RARB: variants seen among roughly 807,000 people sequenced by gnomAD.
RARB encodes the protein HBV-activated protein.
RARB carries 17 observed loss-of-function variants against 51.9 expected under a neutral mutation model. That is an observed-to-expected ratio of 0.33 (90% confidence interval 0.22 to 0.49). RARB has a LOEUF of 0.49. Among genes scored for constraint, RARB ranks in the 20% least tolerant of loss-of-function variants. RARB has a pLI of 0.99. For synonymous variants in RARB, 215 were observed against 195.4 expected, an observed-to-expected ratio of 1.10 and a Z score of -0.84; for missense variants, 369 against 550.8, an observed-to-expected ratio of 0.67 and a Z score of 3.30.
At chr3:24,874,752 G>A (rs925838573) in intron 2 of RARB, among the ~76,000 whole-genome samples, 4 of 151,388 alleles carry the variant, frequency 2.6e-5, no homozygotes, top group African/African-American at 9.7e-5. Context: ...TTTACTTAAT[G>A]TAGTTCATTT....
intron 5 of RARB, among the ~76,000 whole-genome samples, chr3:25,253,695 A>G (rs1702787191): frequency 6.6e-6 from 1 of 152,214 alleles, no homozygotes; most frequent in Non-Finnish European, 1.5e-5. Context: ...AATAGTCAAA[A>G]GCTATAGCTC....
At chr3:25,412,475 T>A (rs957381259) in intron 5 of RARB, among the ~76,000 whole-genome samples, 1 of 152,226 alleles carries the variant, frequency 6.6e-6, no homozygotes, top group Non-Finnish European at 1.5e-5. Flanking sequence ...CCTGCTCATG[T>A]TGAGAGCTCC....
chr3:25,501,024 T>A (rs1418398553), intron 2 of RARB, among the ~76,000 whole-genome samples, 158 bp from the exon 3 acceptor site: 3 of 152,204 alleles, frequency 2.0e-5, no homozygotes, highest in Non-Finnish European at 4.4e-5. Flanking sequence ...AAACTATTGA[T>A]ATCTCACGAG....
chr3:24,945,408 T>G (rs1441001288), intron 2 of RARB, among the ~76,000 whole-genome samples: 2 of 152,184 alleles, frequency 1.3e-5, no homozygotes, highest in African/African-American at 4.8e-5. Context: ...AAGGCACACA[T>G]GCACCTGCAA....
intron 2 of RARB, among the ~76,000 whole-genome samples, chr3:24,890,229 A>G (rs1192122765): frequency 1.3e-5 from 2 of 152,182 alleles, no homozygotes; most frequent in African/African-American, 4.8e-5. Flanking sequence ...TTCAATAAGA[A>G]TTGAAATGAC....
At chr3:24,901,861 C>A (rs1703613320) in intron 2 of RARB, among the ~76,000 whole-genome samples, 1 of 151,990 alleles carries the variant, frequency 6.6e-6, no homozygotes, top group Non-Finnish European at 1.5e-5. Context: ...ATTTACTATA[C>A]CAGGTGCTAA....
chr3:25,377,457 T>C (rs1245903667), intron 5 of RARB, among the ~76,000 whole-genome samples: 1 of 152,174 alleles, frequency 6.6e-6, no homozygotes, highest in Non-Finnish European at 1.5e-5. Context: ...GTAGGTCAGA[T>C]ACTTCTTTAC....
intron 2 of RARB, among the ~76,000 whole-genome samples, chr3:25,492,065 A>G (rs1353668326): frequency 1.3e-5 from 2 of 152,260 alleles, no homozygotes; most frequent in Non-Finnish European, 2.9e-5. Flanking sequence ...TGCCCTGCCC[A>G]GAACACAGCT....
intron 2 of RARB, among the ~76,000 whole-genome samples, chr3:24,899,076 T>G (rs901641698): frequency 6.6e-6 from 1 of 152,186 alleles, no homozygotes; most frequent in African/African-American, 2.4e-5. Flanking sequence ...GAAATGTAAA[T>G]TCTCAGGCCC....
intron 2 of RARB, among the ~76,000 whole-genome samples, chr3:24,982,227 C>T (rs1373837256): frequency 6.6e-6 from 1 of 152,206 alleles, no homozygotes; most frequent in Non-Finnish European, 1.5e-5. Flanking sequence ...TCTATTTTCT[C>T]TGGTTCTGCA....
At chr3:25,443,266 A>G (rs1708778930) in intron 1 of RARB, among the ~76,000 whole-genome samples, 1 of 152,150 alleles carries the variant, frequency 6.6e-6, no homozygotes, top group Non-Finnish European at 1.5e-5. Context: ...GTAAGCCCTT[A>G]TAAGTGCATT....
At chr3:25,484,197 G>C (rs1041625030) in intron 2 of RARB, among the ~76,000 whole-genome samples, 1 of 152,172 alleles carries the variant, frequency 6.6e-6, no homozygotes, top group Non-Finnish European at 1.5e-5. Context: ...CTAATTTAGA[G>C]TGGGAATTTT....
intron 3 of RARB, among the ~76,000 whole-genome samples, chr3:25,061,547 A>G (rs1441877795): frequency 6.6e-6 from 1 of 151,746 alleles, no homozygotes; most frequent in Non-Finnish European, 1.5e-5. Flanking sequence ...GTAGTTACAC[A>G]TTCAGTTGAG....
chr3:25,339,581 GTTT>G (rs34570809), intron 5 of RARB, among the ~76,000 whole-genome samples: 28 of 143,838 alleles, frequency 1.9e-4, no homozygotes, highest in Admixed American at 9.0e-4. Context: ...TTCAGCTGAA[GTTT>G]TTTTTTTTTT....
intron 5 of RARB, among the ~76,000 whole-genome samples, chr3:25,313,202 AC>A (rs1374305625): frequency 6.6e-6 from 1 of 152,126 alleles, no homozygotes; most frequent in African/African-American, 2.4e-5. Context: ...GAATAGGAAG[AC>A]CCGCTTGTTT....
At chr3:25,201,356 T>C (rs1016640804) in intron 5 of RARB, among the ~76,000 whole-genome samples, 6 of 152,208 alleles carry the variant, frequency 3.9e-5, no homozygotes, top group East Asian at 1.9e-4. Flanking sequence ...TTTCTAGATA[T>C]ACAATCATGT....
At chr3:24,857,852 G>C (rs1426092679) in intron 1 of RARB, among the ~76,000 whole-genome samples, 2 of 152,208 alleles carry the variant, frequency 1.3e-5, no homozygotes, top group African/African-American at 4.8e-5. Flanking sequence ...CCTGAACCCA[G>C]GAGTTTGAAG....
chr3:25,318,646 T>C (rs1003049998), intron 5 of RARB, among the ~76,000 whole-genome samples: 2 of 152,148 alleles, frequency 1.3e-5, no homozygotes, highest in African/African-American at 4.8e-5. Flanking sequence ...TCTGCTCAAG[T>C]CCTTATTAAA....
chr3:25,239,798 C>G (rs984727089), intron 5 of RARB, among the ~76,000 whole-genome samples: 3 of 151,844 alleles, frequency 2.0e-5, no homozygotes, highest in Admixed American at 2.0e-4. Context: ...TTTTTTGGTT[C>G]CATACAAATT....
Sources: allele counts gnomAD v4.1 joint callset (sites outside exome capture counted in the v4.1 genomes callset), GRCh38; gene constraint gnomAD v4.1.1; transcripts MANE v1.5; gene names NCBI Gene and HGNC (gene_info 2026-07-23, HGNC 2026-07-21).